CTNNA3: variants seen among roughly 807,000 people sequenced by gnomAD.
The protein encoded by CTNNA3 is catenin alpha-3.
In CTNNA3, 76 loss-of-function variants were observed where a neutral mutation model predicts 95.7. The observed-to-expected ratio is 0.79, with a 90% CI of 0.66 to 0.96. The LOEUF is 0.96. Ranked by LOEUF, CTNNA3 falls within the 40% of genes least tolerant of loss-of-function variation. The probability of loss-of-function intolerance (pLI) is 0.00; values close to 1 mark genes in which losing one functional copy is unlikely to be tolerated. For synonymous variants in CTNNA3, 431 were observed against 374.4 expected (o/e 1.15, Z -1.74); for missense variants, 1,191 against 1,089.8 (o/e 1.09, Z -1.31).
At position 66,520,783 on chromosome 10, in the gene CTNNA3, T is replaced by C. The variant is rs371356128; in HGVS notation, c.1375-10A>G. ...GTGCAGCATTAATAATCTATAAAGA[T>C]AAGGATTGAAAAAATTACCTATTGG... is the stretch of plus-strand genomic sequence containing the variant. On this transcript the variant is annotated splice_polypyrimidine_tract_variant and intron_variant, in intron 10 of 17. Transcript: ENST00000433211. 8 of 1,609,196 alleles carry C rather than the reference T, an allele frequency of 5.0e-6. No individual in the cohort carries two copies. The highest frequency in any genetic ancestry group is 1.7e-5 in the Admixed American group (1 of 59,374).
chr10:67,067,210 T>A (rs1346343497), intron 7 of CTNNA3, among the ~76,000 whole-genome samples: 1 of 152,184 alleles, frequency 6.6e-6, no homozygotes, highest in Non-Finnish European at 1.5e-5. Flanking sequence ...ACCACAGAAG[T>A]GAAACAATTT....
intron 7 of CTNNA3, among the ~76,000 whole-genome samples, chr10:67,026,677 C>A (rs756737282): frequency 1.3e-5 from 2 of 152,078 alleles, no homozygotes; most frequent in African/African-American, 4.8e-5. Context: ...CTTCATAAAG[C>A]ATCTCTTTCA....
At chr10:66,755,094 T>C (rs1271839883) in intron 9 of CTNNA3, among the ~76,000 whole-genome samples, 1 of 152,076 alleles carries the variant, frequency 6.6e-6, no homozygotes, top group Non-Finnish European at 1.5e-5. Flanking sequence ...GAGAATGAAA[T>C]GCAGTACACA....
intron 7 of CTNNA3, among the ~76,000 whole-genome samples, chr10:67,165,986 C>T (rs1313278740): frequency 6.6e-6 from 1 of 152,228 alleles, no homozygotes; most frequent in Non-Finnish European, 1.5e-5. Flanking sequence ...TGTAAGCCAA[C>T]TGCCATACTA....
intron 7 of CTNNA3, among the ~76,000 whole-genome samples, chr10:67,027,597 G>T (rs1853472683): frequency 6.6e-6 from 1 of 151,784 alleles, no homozygotes; most frequent in African/African-American, 2.4e-5. Flanking sequence ...ACCATGCCCA[G>T]CTAACTTTTT....
chr10:66,486,590 C>T (rs192929191), intron 11 of CTNNA3, among the ~76,000 whole-genome samples: 12 of 152,028 alleles, frequency 7.9e-5, no homozygotes, highest in Non-Finnish European at 1.0e-4. Context: ...GTACACTGTT[C>T]GTGGGAACGT....
At position 66,328,931 on chromosome 10, in the gene CTNNA3, T is replaced by C. The variant is rs867303713; in HGVS notation, c.1733-48310A>G. On this transcript the variant is annotated intron_variant, in intron 12 of 17. Coordinates refer to ENST00000433211, the MANE Select transcript of CTNNA3 (RefSeq NM_013266.4). ...ATATACATATATATATATATATATA[T>C]ATACACACACACATATAAATATAAT... Among the ~76,000 whole-genome samples, 173 of 120,000 alleles carry C rather than the reference T, an allele frequency of 1.4e-3. 4 individuals are homozygous for C. The South Asian group carries it at 0.019, about 13-fold the overall frequency. The allele number at this position is 120,000 out of a possible 152,430, so 78.7% of individuals were successfully genotyped here.
At chr10:67,553,064 C>T (rs1395147486) in intron 3 of CTNNA3, among the ~76,000 whole-genome samples, 1 of 152,042 alleles carries the variant, frequency 6.6e-6, no homozygotes, top group Non-Finnish European at 1.5e-5. Context: ...TTTGGGGGCA[C>T]TGGTGCACCT....
intron 9 of CTNNA3, among the ~76,000 whole-genome samples, chr10:66,727,326 G>A (rs1226413007): frequency 2.6e-5 from 4 of 151,850 alleles, no homozygotes; most frequent in Admixed American, 2.0e-4. Flanking sequence ...ACAAGAGTAG[G>A]TAAAAATTGA....
intron 16 of CTNNA3, among the ~76,000 whole-genome samples, chr10:65,970,308 A>G (rs915261629): frequency 5.9e-5 from 9 of 152,142 alleles, no homozygotes; most frequent in Admixed American, 3.9e-4. Context: ...TAGAGCTGAT[A>G]CCTGCTACCA....
chr10:66,928,212 C>T (rs146897378), intron 7 of CTNNA3: 203 of 1,614,010 alleles, frequency 1.3e-4, no homozygotes, highest in East Asian at 4.2e-4. Context: ...TGTCCGTGCT[C>T]GTCATCCTGC....
chr10:66,448,745 T>C (rs888197805), intron 11 of CTNNA3, among the ~76,000 whole-genome samples: 1 of 152,026 alleles, frequency 6.6e-6, no homozygotes, highest in Non-Finnish European at 1.5e-5. Context: ...AGTTAATGGG[T>C]GCAGCACACC....
intron 9 of CTNNA3, among the ~76,000 whole-genome samples, chr10:66,747,234 G>A (rs1838922739): frequency 6.6e-6 from 1 of 152,152 alleles, no homozygotes; most frequent in Admixed American, 6.5e-5. Context: ...TTTACTGTGT[G>A]TTCATATCTT....
chr10:67,235,030 A>C (rs1351395813), intron 5 of CTNNA3, among the ~76,000 whole-genome samples: 1 of 150,884 alleles, frequency 6.6e-6, no homozygotes, highest in Non-Finnish European at 1.5e-5. Flanking sequence ...AAACAAATGG[A>C]AGAACATTCC....
At chr10:67,761,249 A>C (rs1296423549) in intron 1 of CTNNA3, among the ~76,000 whole-genome samples, 1 of 152,234 alleles carries the variant, frequency 6.6e-6, no homozygotes, top group East Asian at 1.9e-4. Context: ...TATGAGGCAC[A>C]TGACTGTAAT....
intron 7 of CTNNA3, among the ~76,000 whole-genome samples, chr10:66,943,233 T>C (rs115930426): frequency 0.02 from 3,032 of 152,270 alleles, 92 homozygotes; most frequent in African/African-American, 0.069. Context: ...TGACACAAGA[T>C]CTGTGAAATG....
intron 10 of CTNNA3, among the ~76,000 whole-genome samples, chr10:66,592,413 T>A (rs4746600): frequency 1.3e-5 from 2 of 151,868 alleles, no homozygotes; most frequent in South Asian, 2.1e-4. Flanking sequence ...ACCAAAACCC[T>A]TTGTGTCAAC....
intron 17 of CTNNA3, among the ~76,000 whole-genome samples, chr10:65,948,340 C>G (rs534795741): frequency 6.6e-6 from 1 of 151,756 alleles, no homozygotes; most frequent in South Asian, 2.1e-4. Flanking sequence ...ATGCACACCC[C>G]CCCCAACATA....
intron 9 of CTNNA3, among the ~76,000 whole-genome samples, chr10:66,671,614 GT>G (rs1225280967): frequency 6.6e-6 from 1 of 152,148 alleles, no homozygotes; most frequent in Non-Finnish European, 1.5e-5. Flanking sequence ...TAATGAAAAT[GT>G]TTTTAGTTAC....
Sources: allele counts gnomAD v4.1 joint callset (sites outside exome capture counted in the v4.1 genomes callset), GRCh38; gene constraint gnomAD v4.1.1; transcripts MANE v1.5; gene names NCBI Gene and HGNC (gene_info 2026-07-23, HGNC 2026-07-21).